Variants in ZNF804A observed in about 807,000 individuals in gnomAD.
ZNF804A encodes the protein zinc finger protein 804A.
A neutral mutation model predicts 16.5 loss-of-function variants in ZNF804A; 2 were observed. The ratio of observed to expected loss-of-function variants is 0.12; its 90% CI spans 0.05 to 0.38. The LOEUF (loss-of-function observed/expected upper bound fraction) is 0.38. Ranked by LOEUF, ZNF804A falls within the 10% of genes least tolerant of loss-of-function variation. ZNF804A has a pLI of 0.99. For synonymous variants in ZNF804A, 534 were observed against 489.6 expected, an observed-to-expected ratio of 1.09 and a Z score of -1.20; for missense variants, 1,473 against 1,390.7, an observed-to-expected ratio of 1.06 and a Z score of -0.94.
intron 1 of ZNF804A, among the ~76,000 whole-genome samples, chr2:184,636,587 G>C (rs1691703568): frequency 7.1e-6 from 1 of 140,870 alleles, no homozygotes; most frequent in African/African-American, 2.7e-5. Flanking sequence ...GTGTGTGTGT[G>C]TGTCTGTGTT....
At chr2:184,685,124 A>G (rs924750183) in intron 1 of ZNF804A, among the ~76,000 whole-genome samples, 3 of 152,136 alleles carry the variant, frequency 2.0e-5, no homozygotes, top group Non-Finnish European at 4.4e-5. Context: ...CACTGCACAC[A>G]GCCAGGCACG....
At chr2:184,660,538 C>T (rs1692155766) in intron 1 of ZNF804A, among the ~76,000 whole-genome samples, 1 of 152,172 alleles carries the variant, frequency 6.6e-6, no homozygotes, top group Non-Finnish European at 1.5e-5. Context: ...CCCATACTCA[C>T]TAAAGTTAAT....
intron 1 of ZNF804A, among the ~76,000 whole-genome samples, chr2:184,832,503 A>C (rs1021599985): frequency 6.6e-6 from 1 of 152,028 alleles, no homozygotes; most frequent in East Asian, 1.9e-4. Flanking sequence ...TTAATCATTA[A>C]AACTGTTCTG....
At chr2:184,828,640 T>C (rs1370514332) in intron 1 of ZNF804A, among the ~76,000 whole-genome samples, 1 of 151,922 alleles carries the variant, frequency 6.6e-6, no homozygotes, top group East Asian at 1.9e-4. Flanking sequence ...ATTTCAATGC[T>C]TATTTCCTAA....
At chr2:184,861,260 G>T (rs574276842) in intron 1 of ZNF804A, among the ~76,000 whole-genome samples, 149 of 152,290 alleles carry the variant, frequency 9.8e-4, no homozygotes, top group African/African-American at 3.5e-3. Flanking sequence ...GCTGGTGGAA[G>T]GGTGACATAG....
intron 2 of ZNF804A, among the ~76,000 whole-genome samples, chr2:184,868,208 G>A (rs10931153): frequency 0.064 from 9,776 of 152,068 alleles, 1,067 homozygotes; most frequent in African/African-American, 0.22. Context: ...CTGGTAGACA[G>A]CACAGTCCTA....
At chr2:184,900,891 A>G (rs1574263136) in intron 2 of ZNF804A, among the ~76,000 whole-genome samples, 1 of 152,300 alleles carries the variant, frequency 6.6e-6, no homozygotes, top group African/African-American at 2.4e-5. Context: ...CTTAGCTTTT[A>G]ACTCTTTGTT....
At chr2:184,752,951 T>TA (rs1301340861) in intron 1 of ZNF804A, among the ~76,000 whole-genome samples, 2 of 151,400 alleles carry the variant, frequency 1.3e-5, no homozygotes, top group Non-Finnish European at 3.0e-5. Context: ...ATATTATAAT[T>TA]AAAAAAATAA....
rs1253450558 is a variant in ZNF804A at position 184,829,913 on chromosome 2, A to C, written c.112-36456A>C. On this transcript the variant is annotated intron_variant, in intron 1 of 3. Coordinates refer to ENST00000302277, the MANE Select transcript of ZNF804A (RefSeq NM_194250.2). Reference sequence around the variant, plus strand: ...CCTGTCTCTACCAAAAAAAAAAAAAAAAAAAAAAACAAAAACAAAAAAAAA... The same window carrying C: ...CCTGTCTCTACCAAAAAAAAAAAAACAAAAAAAAACAAAAACAAAAAAAAA... Among the ~76,000 whole-genome samples, 65 of 109,918 alleles carry C rather than the reference A, an allele frequency of 5.9e-4. No homozygotes were observed. In the Middle Eastern group the frequency reaches 0.014, roughly 24 times the overall value. 72.1% of individuals were successfully genotyped at this position (109,918 alleles called of 152,430 possible).
chr2:184,934,656 G>C (rs1685756155), intron 3 of ZNF804A, among the ~76,000 whole-genome samples: 1 of 152,032 alleles, frequency 6.6e-6, no homozygotes, highest in Non-Finnish European at 1.5e-5. Context: ...AGAGAATCAT[G>C]GAACCTATGT....
At chr2:184,712,439 G>A (rs764857016) in intron 1 of ZNF804A, among the ~76,000 whole-genome samples, 6 of 151,626 alleles carry the variant, frequency 4.0e-5, no homozygotes, top group South Asian at 2.1e-4. Flanking sequence ...AGTTTATTTC[G>A]ATGCTTTCAA....
chr2:184,798,288 T>C (rs1694669977), intron 1 of ZNF804A, among the ~76,000 whole-genome samples: 1 of 152,022 alleles, frequency 6.6e-6, no homozygotes, highest in Non-Finnish European at 1.5e-5. Flanking sequence ...TCTAGGTCTC[T>C]AGCAAGGCCA....
At chr2:184,846,019 A>G (rs564836939) in intron 1 of ZNF804A, among the ~76,000 whole-genome samples, 3 of 152,136 alleles carry the variant, frequency 2.0e-5, no homozygotes, top group Non-Finnish European at 4.4e-5. Context: ...CTGTTCTCCA[A>G]TAATACTAAG....
intron 1 of ZNF804A, among the ~76,000 whole-genome samples, chr2:184,713,299 A>G (rs1041598251): frequency 2.6e-5 from 4 of 151,806 alleles, no homozygotes; most frequent in East Asian, 1.9e-4. Context: ...CCAGTTCTCC[A>G]TATTCTCCAC....
intron 2 of ZNF804A, among the ~76,000 whole-genome samples, chr2:184,909,126 A>C (rs1685320954): frequency 1.3e-5 from 2 of 152,072 alleles, no homozygotes; most frequent in African/African-American, 4.8e-5. Context: ...TTTAGAATTC[A>C]TCTCTGGACT....
chr2:184,602,536 T>C (rs554315758), intron 1 of ZNF804A, among the ~76,000 whole-genome samples: 3 of 152,134 alleles, frequency 2.0e-5, no homozygotes, highest in African/African-American at 4.8e-5. Flanking sequence ...CTTTTTGGAA[T>C]TGATTTACAA....
At chr2:184,781,236 G>A (rs902445179) in intron 1 of ZNF804A, among the ~76,000 whole-genome samples, 2 of 151,660 alleles carry the variant, frequency 1.3e-5, no homozygotes, top group African/African-American at 2.4e-5. Flanking sequence ...GTAATTTGAC[G>A]TTTTCTGTTA....
intron 2 of ZNF804A, among the ~76,000 whole-genome samples, chr2:184,873,068 T>C (rs1468202972): frequency 1.3e-5 from 2 of 152,172 alleles, no homozygotes; most frequent in Non-Finnish European, 2.9e-5. Flanking sequence ...CTTTTCTTCA[T>C]AGAGTAAACA....
chr2:184,838,857 A>T (rs905954125), intron 1 of ZNF804A, among the ~76,000 whole-genome samples: 1 of 152,240 alleles, frequency 6.6e-6, no homozygotes, highest in East Asian at 1.9e-4. Flanking sequence ...TGCATATGAT[A>T]TTGCCTACAA....
Sources: allele counts gnomAD v4.1 joint callset (sites outside exome capture counted in the v4.1 genomes callset), GRCh38; gene constraint gnomAD v4.1.1; transcripts MANE v1.5; gene names NCBI Gene and HGNC (gene_info 2026-07-23, HGNC 2026-07-21).